The following FGL1 variants were observed in gnomAD, a reference collection of about 807,000 sequenced individuals.
The protein encoded by FGL1 is fibrinogen-like protein 1.
A neutral mutation model predicts 43.7 loss-of-function variants in FGL1; 59 were observed. The ratio of observed to expected loss-of-function variants is 1.35; its 90% CI spans 1.10 to 1.68. The LOEUF (loss-of-function observed/expected upper bound fraction) is 1.68, where lower values mean the gene tolerates loss of function less well. Ranked by LOEUF, FGL1 falls within the 40% of genes most tolerant of loss-of-function variation. The probability of loss-of-function intolerance (pLI) is 0.00; values close to 1 mark genes in which losing one functional copy is unlikely to be tolerated. For missense variants in FGL1, 596 were observed against 373.0 expected (o/e 1.60, Z -4.92); for synonymous variants, 192 against 126.5 (o/e 1.52, Z -3.48).
At chr8:17,894,028 T>C (rs1717528869) in intron 1 of FGL1, among the ~76,000 whole-genome samples, 1 of 146,920 alleles carries the variant, frequency 6.8e-6, no homozygotes, top group Non-Finnish European at 1.5e-5. Context: ...ATGCTATAAA[T>C]TCTAATTCCT....
chr8:17,883,809 T>TCCCC (rs1477081777), intron 2 of FGL1, among the ~76,000 whole-genome samples: 5,556 of 143,984 alleles, frequency 0.039, 393 homozygotes, highest in African/African-American at 0.13. Flanking sequence ...CCCTTCCCCT[T>TCCCC]TCCCTTCCTC....
chr8:17,889,771 A>C (rs1289945979), intron 1 of FGL1, among the ~76,000 whole-genome samples: 1 of 152,242 alleles, frequency 6.6e-6, no homozygotes, highest in Non-Finnish European at 1.5e-5. Flanking sequence ...ATGTTGAACT[A>C]TAAGAAATGG....
At chr8:17,866,486 G>C (rs1014152622) in intron 7 of FGL1, among the ~76,000 whole-genome samples, 1 of 152,184 alleles carries the variant, frequency 6.6e-6, no homozygotes. Context: ...TAGTAGGCAT[G>C]GTAGAAGTAG....
At chr8:17,865,207 A>G (rs1307640289) in intron 7 of FGL1, among the ~76,000 whole-genome samples, 1 of 152,184 alleles carries the variant, frequency 6.6e-6, no homozygotes, top group Non-Finnish European at 1.5e-5. Context: ...TTTAAACAAA[A>G]AATTAAAACA....
chr8:17,880,838 G>A (rs2053523599), intron 3 of FGL1, among the ~76,000 whole-genome samples: 1 of 152,156 alleles, frequency 6.6e-6, no homozygotes, highest in Non-Finnish European at 1.5e-5. Flanking sequence ...ATAATGATTT[G>A]TGCAGCAATG....
chr8:17,866,285 A>C (rs1356620988), intron 7 of FGL1, among the ~76,000 whole-genome samples: 2 of 152,160 alleles, frequency 1.3e-5, no homozygotes, highest in African/African-American at 2.4e-5. Context: ...GGCTGTGAAC[A>C]CTCACGTGAA....
chr8:17,881,945 T>C (rs1417027747), intron 3 of FGL1, 54 bp downstream of exon 3: 5 of 1,473,216 alleles, frequency 3.4e-6, no homozygotes, highest in South Asian at 2.4e-5. Context: ...ACCATCACTG[T>C]ACATGGGTGC....
chr8:17,889,238 T>G (rs1217463797), intron 1 of FGL1, among the ~76,000 whole-genome samples: 1 of 152,194 alleles, frequency 6.6e-6, no homozygotes, highest in Non-Finnish European at 1.5e-5. Flanking sequence ...TGTTTGTGTT[T>G]GGGCATCACT....
intron 3 of FGL1, among the ~76,000 whole-genome samples, chr8:17,874,923 A>AGCTATCACGCCTG (rs34146874): frequency 6.6e-6 from 1 of 151,590 alleles, no homozygotes; most frequent in African/African-American, 2.4e-5. Flanking sequence ...TACAGGTGTG[A>AGCTATCACGCCTG]GCTTAGTTTC....
intron 1 of FGL1, among the ~76,000 whole-genome samples, chr8:17,894,338 AG>A (rs989838290): frequency 2.7e-5 from 4 of 147,234 alleles, no homozygotes; most frequent in Non-Finnish European, 5.9e-5. Flanking sequence ...AACCTAAGTC[AG>A]TGAGTTAAAA....
At chr8:17,868,794 A>G in intron 6 of FGL1, 59 bp from the exon 7 acceptor site, 1 of 1,519,458 alleles carries the variant, frequency 6.6e-7, no homozygotes, top group Non-Finnish European at 8.9e-7. Context: ...TTTTAAAATT[A>G]AGTTTATTTC....
intron 7 of FGL1, among the ~76,000 whole-genome samples, chr8:17,866,920 C>T (rs962254611): frequency 6.6e-5 from 10 of 152,122 alleles, no homozygotes; most frequent in East Asian, 3.9e-4. Flanking sequence ...GTGAAGAAGA[C>T]GGTTTTTAAA....
Position 17,864,614 on chromosome 8 carries a change from T to C in FGL1, c.917A>G (p.Asp306Gly), listed in dbSNP as rs768406306. 22 of 1,608,278 alleles carry C rather than the reference T, an allele frequency of 1.4e-5. No individual in the cohort carries two copies. The highest frequency in any genetic ancestry group is 6.7e-5 in the East Asian group (3 of 44,842). ...CAATTAAATTACATTTGGAATAAAATCATTTGGCCTAATTTTCATAACCAC... is the reference window on the plus strand; with the variant it reads ...CAATTAAATTACATTTGGAATAAAACCATTTGGCCTAATTTTCATAACCAC... ...KSVVMKIRPN[D>G]FIPNVI The change falls in exon 8 of 8, where the codon GAT (aspartate) becomes GGT (glycine). Residue 306 changes from aspartate (D) to glycine (G), a missense_variant. Transcript: ENST00000427924.
In FGL1 at chr8:17,868,688, A is replaced by G. The variant is rs547975049; in HGVS notation, c.639T>C (p.Asp213=). 1 of 1,613,842 alleles carries G rather than the reference A, an allele frequency of 6.2e-7. No homozygotes were observed. The highest frequency in any genetic ancestry group is 1.3e-5 in the African/African-American group (1 of 75,052). The change falls in exon 7 of 8, where the codon GAT becomes GAC. Residue 213 remains aspartate (D), a synonymous_variant. Transcript: ENST00000427924. ...NIGEYSGTAG[D]SLAGNFHPEV... ...CAGGATGAAAATTCCCCGCAAGGGA[A>G]TCTCCAGCTGTTCCAGAATATTCCC...
intron 1 of FGL1, among the ~76,000 whole-genome samples, chr8:17,893,195 C>T (rs1302216724): frequency 1.3e-5 from 2 of 151,922 alleles, no homozygotes. Flanking sequence ...AGTGAGACTC[C>T]ATCTCAAAAA....
intron 1 of FGL1, among the ~76,000 whole-genome samples, chr8:17,886,673 G>T (rs1407954125): frequency 1.3e-5 from 2 of 152,152 alleles, no homozygotes; most frequent in Non-Finnish European, 2.9e-5. Context: ...CAGGAGAATT[G>T]CTTGAACCCG....
chr8:17,876,457 T>C (rs926097470), intron 3 of FGL1, among the ~76,000 whole-genome samples: 2 of 152,172 alleles, frequency 1.3e-5, no homozygotes, highest in Non-Finnish European at 2.9e-5. Flanking sequence ...TTTGTAATGA[T>C]TTAGGCTTTA....
In FGL1 at chr8:17,869,008, A is replaced by T. The variant is rs745604389; in HGVS notation, c.503-4T>A. ...TCGATTTTTAAAGTGTAGTCTTCTA[A>T]AAAAGAAACAAGCAATTATAATTTT... On this transcript the variant is annotated splice_region_variant and splice_polypyrimidine_tract_variant and intron_variant, in intron 5 of 7. Coordinates refer to ENST00000427924, the MANE Select transcript of FGL1 (RefSeq NM_004467.4). The T allele has an allele frequency of 6.4e-7, 1 of 1,571,098 alleles. No individual in the cohort carries two copies. Among genetic ancestry groups the T allele is most frequent in the Non-Finnish European group, 8.7e-7 (1 of 1,151,456 alleles).
At chr8:17,881,940 C>A in intron 3 of FGL1, 59 bp downstream of exon 3, 5 of 1,369,344 alleles carry the variant, frequency 3.7e-6, no homozygotes, top group Non-Finnish European at 5.1e-6. Flanking sequence ...CTAGCACCAT[C>A]ACTGTACATG....
Sources: gnomAD v4.1 joint callset for allele counts (sites outside exome capture counted in the v4.1 genomes callset) on GRCh38, gnomAD v4.1.1 for gene constraint, MANE v1.5 for transcripts, NCBI Gene and HGNC (gene_info 2026-07-23, HGNC 2026-07-21) for gene names.